The following CATSPER4 variants were observed in gnomAD, a reference collection of about 807,000 sequenced individuals.
The protein encoded by CATSPER4 is cation channel sperm-associated protein 4.
In CATSPER4, 46 loss-of-function variants were observed where a neutral mutation model predicts 54.4. That is an observed-to-expected ratio of 0.84 (90% CI 0.67 to 1.08). The LOEUF (loss-of-function observed/expected upper bound fraction) is 1.08, where lower values mean the gene tolerates loss of function less well. Ranked by LOEUF, CATSPER4 falls within the 50% of genes least tolerant of loss-of-function variation. The pLI is 0.00. For synonymous variants in CATSPER4, 230 were observed against 231.9 expected, an observed-to-expected ratio of 0.99 and a Z score of 0.08; for missense variants, 574 against 612.8, an observed-to-expected ratio of 0.94 and a Z score of 0.67.
chr1:26,197,196 G>A (rs958754074), intron 3 of CATSPER4, among the ~76,000 whole-genome samples: 3 of 152,118 alleles, frequency 2.0e-5, no homozygotes, highest in Admixed American at 6.6e-5. Flanking sequence ...GTGAGCCATC[G>A]CGCCTGGCCC....
Position 26,190,645 on chromosome 1 carries a change from G to T in CATSPER4, c.18G>T (p.Lys6Asn), listed in dbSNP as rs369790348. 2 of 1,604,948 alleles carry T rather than the reference G, an allele frequency of 1.2e-6. No individual in the cohort carries two copies. The highest frequency in any genetic ancestry group is 1.3e-5 in the African/African-American group (1 of 74,998). ...GAGCAAACATGAGGGATAATGAAAAGGCCTGGTGGCAGCAATGGACCTCCC... is the reference window on the plus strand; with the variant it reads ...GAGCAAACATGAGGGATAATGAAAATGCCTGGTGGCAGCAATGGACCTCCC... MRDNE[K>N]AWWQQWTSHT... The change falls in exon 1 of 10, where the codon AAG becomes AAT. Residue 6 changes from lysine (K) to asparagine (N), a missense_variant. Coordinates refer to ENST00000456354, the MANE Select transcript of CATSPER4 (RefSeq NM_198137.2).
intron 2 of CATSPER4, among the ~76,000 whole-genome samples, chr1:26,192,327 T>C (rs1159330996): frequency 1.3e-5 from 2 of 151,970 alleles, no homozygotes; most frequent in African/African-American, 4.8e-5. Flanking sequence ...CAGTGGTTCA[T>C]GCCTGTAATC....
At chr1:26,191,530 A>G in intron 2 of CATSPER4, 100 bp downstream of exon 2, 1 of 1,370,204 alleles carries the variant, frequency 7.3e-7, no homozygotes, top group South Asian at 1.2e-5. Flanking sequence ...TGATGGTTGG[A>G]TTGGATGCTC....
chr1:26,199,421 G>C (rs2088980169), intron 6 of CATSPER4, among the ~76,000 whole-genome samples: 1 of 140,630 alleles, frequency 7.1e-6, no homozygotes, highest in Non-Finnish European at 1.5e-5. Flanking sequence ...GACAGAGTGA[G>C]ACTCTGTCTC....
In CATSPER4 at chr1:26,201,370, C is replaced by T; in HGVS notation, c.1216C>T (p.Arg406Cys). ...CACCCCCAGGATTGTGGAGGAGGTG[C>T]GCGCAATCCGCTTCAACCAGGAGCA... ...DELNMIVEEV[R>C]AIRFNQEQES... Residue 406 changes from arginine to cysteine, a missense_variant, in exon 9 of 10, where the codon CGC (arginine) becomes TGC (cysteine). Transcript: ENST00000456354. 1 of 1,614,050 alleles carries T rather than the reference C, an allele frequency of 6.2e-7. No individual in the cohort carries two copies. The highest frequency in any genetic ancestry group is 8.5e-7 in the Non-Finnish European group (1 of 1,180,014).
intron 2 of CATSPER4, 46 bp downstream of exon 2, chr1:26,191,476 C>A (rs752482451): frequency 6.2e-7 from 1 of 1,605,082 alleles, no homozygotes; most frequent in Non-Finnish European, 8.5e-7. Context: ...TAATGGGGGG[C>A]CTGGGGCAAG....
At position 26,191,418 on chromosome 1, in the gene CATSPER4, C is replaced by T. The variant is rs2088867600; in HGVS notation, c.345C>T (p.Ser115=). 1 of 1,614,204 alleles carries T rather than the reference C, an allele frequency of 6.2e-7. No homozygotes were observed. The highest frequency in any genetic ancestry group is 8.5e-7 in the Non-Finnish European group (1 of 1,180,038). ...NAITIALRTN[S]YLDQKHYELF... is the part of the protein sequence containing the mutation. ...TCACCATCGCTCTCCGTACCAACTCCTACCTGGACCAGGTGGGATGCCAGC... is the reference window on the plus strand; with the variant it reads ...TCACCATCGCTCTCCGTACCAACTCTTACCTGGACCAGGTGGGATGCCAGC... The change falls in exon 2 of 10, where the codon TCC becomes TCT. Residue 115 remains serine, a synonymous_variant. Transcript: ENST00000456354.
rs1241750503 is a variant in CATSPER4 at position 26,202,387 on chromosome 1, G to T, written c.1366-102G>T. 2.9e-6 allele frequency: 3 copies of T among 1,029,732 alleles called. No homozygotes were observed. In the African/African-American group the frequency reaches 4.7e-5, roughly 16 times the overall value. The allele number at this position is 1,029,732 out of a possible 1,614,324, so 63.8% of individuals were successfully genotyped here. A position where few individuals can be genotyped will look rare whatever the true frequency, so the allele number is the denominator to read the frequency against. On this transcript the variant is annotated intron_variant, in intron 9 of 9. Coordinates refer to ENST00000456354, the MANE Select transcript of CATSPER4 (RefSeq NM_198137.2). Reference sequence around the variant, plus strand: ...TTAGACCTATGAAGCACTTCTCTGGGAGGCCTGGCTGGGGAAGCTGGTGAG... The same window carrying T: ...TTAGACCTATGAAGCACTTCTCTGGTAGGCCTGGCTGGGGAAGCTGGTGAG...
chr1:26,191,344 C>T lies in CATSPER4; in HGVS notation c.271C>T (p.His91Tyr), dbSNP rs186603174. ...THMYIKQLLR[H>Y]PAFQLLLALL... ...CATGTACATCAAGCAGCTGCTCCGA[C>T]ACCCCGCCTTCCAACTGCTGCTGGC... Residue 91 changes from histidine (H) to tyrosine (Y), a missense_variant, in exon 2 of 10, where the codon CAC becomes TAC. Physicochemically the swap from His to Tyr is moderately conservative, Grantham distance 83. Transcript: ENST00000456354. The T allele has an allele frequency of 6.2e-6, 10 of 1,614,210 alleles. No individual in the cohort carries two copies. The highest frequency in any genetic ancestry group is 3.3e-4 in the Middle Eastern group (2 of 6,062).
intron 3 of CATSPER4, among the ~76,000 whole-genome samples, chr1:26,197,236 C>T (rs540031532): frequency 6.6e-6 from 1 of 152,268 alleles, no homozygotes; most frequent in African/African-American, 2.4e-5. Context: ...GCCGTGAGAG[C>T]TATTTCACCT....
At chr1:26,200,752 T>G in intron 7 of CATSPER4, 78 bp from the exon 8 acceptor site, 1 of 1,160,132 alleles carries the variant, frequency 8.6e-7, no homozygotes, top group South Asian at 1.2e-5. Flanking sequence ...AGACTCATCC[T>G]GAAGCCAAGC....
intron 7 of CATSPER4, among the ~76,000 whole-genome samples, chr1:26,200,326 AT>A (rs2124529592): frequency 1.3e-5 from 2 of 152,158 alleles, no homozygotes; most frequent in South Asian, 4.1e-4. Context: ...CTAAGCCTCA[AT>A]TTTTTTCTTT....
At chr1:26,195,703 C>T (rs1261111669) in intron 3 of CATSPER4, among the ~76,000 whole-genome samples, 2 of 151,996 alleles carry the variant, frequency 1.3e-5, no homozygotes, top group Admixed American at 6.6e-5. Context: ...GGGGTCTCAC[C>T]GTGTTAGCCA....
chr1:26,199,478 A>T (rs1328424579), intron 6 of CATSPER4, among the ~76,000 whole-genome samples: 1 of 151,172 alleles, frequency 6.6e-6, no homozygotes, highest in African/African-American at 2.4e-5. Flanking sequence ...AAGCACCTGT[A>T]GTCTCAGCTA....
chr1:26,198,123 G>A (rs760122372), intron 5 of CATSPER4, 46 bp downstream of exon 5: 44 of 1,614,132 alleles, frequency 2.7e-5, no homozygotes, highest in Non-Finnish European at 3.6e-5. Context: ...CCCTGAACAG[G>A]GCCCTTGGGT....
At chr1:26,197,664 C>G in intron 3 of CATSPER4, 22 bp from the exon 4 acceptor site, 1 of 1,585,936 alleles carries the variant, frequency 6.3e-7, no homozygotes, top group South Asian at 1.1e-5. Flanking sequence ...ACAGACCCCA[C>G]TGGGGCTGGC....
chr1:26,202,486 C>T lies in CATSPER4; in HGVS notation c.1366-3C>T. On this transcript the variant is annotated splice_region_variant and splice_polypyrimidine_tract_variant and intron_variant, in intron 9 of 9. Coordinates refer to ENST00000456354, the MANE Select transcript of CATSPER4 (RefSeq NM_198137.2). The stretch of plus-strand genomic sequence containing the variant: ...ATTAACAAGAAGACCTCTTGGTTTG[C>T]AGGTTCATGACTCTAGCTCACAAAT... 6.2e-7 allele frequency: 1 copy of T among 1,611,116 alleles called. No individual in the cohort carries two copies. Among genetic ancestry groups the T allele is most frequent in the Non-Finnish European group, 8.5e-7 (1 of 1,178,608 alleles).
chr1:26,192,371 C>T (rs2088880551), intron 2 of CATSPER4, among the ~76,000 whole-genome samples: 2 of 151,932 alleles, frequency 1.3e-5, no homozygotes, highest in South Asian at 4.1e-4. Context: ...GGGTGGATCA[C>T]CTGAGGTCAG....
At chr1:26,198,186 C>T in intron 5 of CATSPER4, 100 bp from the exon 6 acceptor site, 1 of 1,612,826 alleles carries the variant, frequency 6.2e-7, no homozygotes. Context: ...GGGCCTGAAT[C>T]CCTGTGATTT....
Sources: gnomAD v4.1 joint callset for allele counts (sites outside exome capture counted in the v4.1 genomes callset) on GRCh38, gnomAD v4.1.1 for gene constraint, MANE v1.5 for transcripts, NCBI Gene and HGNC (gene_info 2026-07-23, HGNC 2026-07-21) for gene names.